Variants in ARHGAP44 observed in about 807,000 individuals in gnomAD.
ARHGAP44 encodes the protein Rho GTPase activating protein 44.
ARHGAP44 carries 43 observed loss-of-function variants against 106.8 expected under a neutral mutation model. The ratio of observed to expected loss-of-function variants is 0.40; its 90% confidence interval spans 0.32 to 0.52. The LOEUF is 0.52. Ranked by LOEUF, ARHGAP44 falls within the 20% of genes least tolerant of loss-of-function variation. The probability of loss-of-function intolerance (pLI) is 0.48; values close to 1 mark genes in which losing one functional copy is unlikely to be tolerated. For missense variants in ARHGAP44, 866 were observed against 1,050.5 expected, an observed-to-expected ratio of 0.82 and a Z score of 2.43; for synonymous variants, 439 against 410.3, an observed-to-expected ratio of 1.07 and a Z score of -0.85.
At chr17:12,803,133 C>A (rs972353077) in intron 1 of ARHGAP44, among the ~76,000 whole-genome samples, 2 of 150,738 alleles carry the variant, frequency 1.3e-5, no homozygotes, top group East Asian at 3.9e-4. Flanking sequence ...CCACCAGGCG[C>A]CTGTATTTTT....
intron 7 of ARHGAP44, among the ~76,000 whole-genome samples, chr17:12,937,041 G>T (rs1464255405): frequency 2.0e-5 from 3 of 152,224 alleles, no homozygotes. Context: ...CATTCATAGT[G>T]CTATGATCGG....
intron 1 of ARHGAP44, among the ~76,000 whole-genome samples, chr17:12,799,507 C>T (rs2034022699): frequency 6.6e-6 from 1 of 152,158 alleles, no homozygotes; most frequent in Non-Finnish European, 1.5e-5. Context: ...ATGCCTGGGC[C>T]TGGAATTCAC....
At chr17:12,984,471 C>T (rs1235045117) in intron 19 of ARHGAP44, 60 bp from the exon 20 acceptor site, 35 of 1,495,946 alleles carry the variant, frequency 2.3e-5, no homozygotes, top group Non-Finnish European at 2.9e-5. Context: ...GAACAGGCCC[C>T]ACAAGTGGCT....
chr17:12,830,133 C>G (rs1417750316), intron 1 of ARHGAP44, among the ~76,000 whole-genome samples: 1 of 152,080 alleles, frequency 6.6e-6, no homozygotes, highest in Non-Finnish European at 1.5e-5. Flanking sequence ...GGGATTGAAG[C>G]CTTTTTAGTA....
chr17:12,847,121 G>A (rs1251661555), intron 1 of ARHGAP44, among the ~76,000 whole-genome samples: 4 of 152,070 alleles, frequency 2.6e-5, no homozygotes, highest in Admixed American at 6.6e-5. Context: ...AATTTGATAG[G>A]TTAAGTTCTT....
intron 13 of ARHGAP44, among the ~76,000 whole-genome samples, chr17:12,953,144 C>T (rs2039039364): frequency 6.6e-6 from 1 of 152,144 alleles, no homozygotes; most frequent in South Asian, 2.1e-4. Flanking sequence ...TGTCCTTGAG[C>T]AAGTTCACAG....
In ARHGAP44 at chr17:12,847,512, CT is replaced by C. The variant is rs58514182; in HGVS notation, c.54-47409del. 3.8e-3 allele frequency among the ~76,000 whole-genome samples: 475 copies of C among 125,460 alleles called. 2 individuals carry two copies. Among genetic ancestry groups the C allele is most frequent in the South Asian group, 9.3e-3 (37 of 3,998 alleles). 82.3% of individuals were successfully genotyped at this position (125,460 alleles called of 152,430 possible). A position where few individuals can be genotyped will look rare whatever the true frequency, so the allele number is the denominator to read the frequency against. ...CACCTTCCTTCAAGCTACCATCACTCTTTTTTTTTTTTTTTTTTTGAGACGG... is the reference window on the plus strand; with the variant it reads ...CACCTTCCTTCAAGCTACCATCACTCTTTTTTTTTTTTTTTTTTGAGACGG... On this transcript the variant is annotated intron_variant, in intron 1 of 20. Transcript: ENST00000379672.
At chr17:12,831,624 C>T (rs962248554) in intron 1 of ARHGAP44, among the ~76,000 whole-genome samples, 12 of 152,152 alleles carry the variant, frequency 7.9e-5, no homozygotes, top group African/African-American at 2.7e-4. Flanking sequence ...ACCCTCCCAT[C>T]GAGGCCCTGT....
intron 8 of ARHGAP44, 129 bp downstream of exon 8, chr17:12,941,253 G>A: frequency 1.3e-6 from 1 of 751,064 alleles, no homozygotes; most frequent in Non-Finnish European, 2.2e-6. Context: ...TTTTACTAGT[G>A]AAATAAATCC....
At chr17:12,857,539 A>C (rs1468294522) in intron 1 of ARHGAP44, among the ~76,000 whole-genome samples, 1 of 152,112 alleles carries the variant, frequency 6.6e-6, no homozygotes, top group African/African-American at 2.4e-5. Flanking sequence ...ATTATCTCCC[A>C]AAGGCCCCAC....
intron 1 of ARHGAP44, among the ~76,000 whole-genome samples, chr17:12,807,126 C>G (rs1012548599): frequency 6.6e-6 from 1 of 152,128 alleles, no homozygotes; most frequent in Non-Finnish European, 1.5e-5. Flanking sequence ...GTCGTCTCAG[C>G]CTAATGGCCT....
chr17:12,899,501 C>T (rs1319135876), intron 3 of ARHGAP44, among the ~76,000 whole-genome samples: 1 of 151,724 alleles, frequency 6.6e-6, no homozygotes, highest in Non-Finnish European at 1.5e-5. Context: ...ACCTCAAATA[C>T]TGAAATGTAT....
At chr17:12,922,116 C>T (rs1441321194) in intron 6 of ARHGAP44, among the ~76,000 whole-genome samples, 1 of 152,088 alleles carries the variant, frequency 6.6e-6, no homozygotes, top group Non-Finnish European at 1.5e-5. Flanking sequence ...AAAGCAGTAT[C>T]CTTTGCTACA....
chr17:12,935,712 A>G (rs890886125), intron 7 of ARHGAP44, among the ~76,000 whole-genome samples: 2 of 152,174 alleles, frequency 1.3e-5, no homozygotes, highest in Non-Finnish European at 1.5e-5. Context: ...CAGGTATGGA[A>G]TCGATTTTAG....
intron 1 of ARHGAP44, among the ~76,000 whole-genome samples, chr17:12,804,916 C>G (rs776192131): frequency 3.3e-5 from 5 of 152,162 alleles, no homozygotes; most frequent in Non-Finnish European, 7.3e-5. Context: ...ATTCAGACAT[C>G]CCCCCTTCCT....
In ARHGAP44 at chr17:12,891,147, C is replaced by G. The variant is rs192826616; in HGVS notation, c.54-3793C>G. On this transcript the variant is annotated intron_variant, in intron 1 of 20. Transcript: ENST00000379672. ...TCTTCTGAGCCCTCACCAGAATCAC[C>G]TTTAACTCTTTGTTCACAGCAATGC... Among the ~76,000 whole-genome samples the G allele has an allele frequency of 5.9e-5, 9 of 152,292 alleles. No individual in the cohort carries two copies. In the East Asian group the frequency reaches 1.5e-3, roughly 26 times the overall value.
intron 7 of ARHGAP44, among the ~76,000 whole-genome samples, chr17:12,935,569 C>CAAA (rs11364751): frequency 7.9e-6 from 1 of 125,862 alleles, no homozygotes; most frequent in Non-Finnish European, 1.7e-5. Context: ...GACTCCATCT[C>CAAA]AAAAAAAAAA....
At chr17:12,895,677 T>C (rs2150920134) in intron 2 of ARHGAP44, among the ~76,000 whole-genome samples, 1 of 152,324 alleles carries the variant, frequency 6.6e-6, no homozygotes, top group South Asian at 2.1e-4. Flanking sequence ...AGTTCAACCA[T>C]TGTGGAAGAC....
In ARHGAP44 at chr17:12,974,101, G is replaced by T. The variant is rs978671794; in HGVS notation, c.1554G>T (p.Arg518Ser). The T allele has an allele frequency of 1.3e-6, 2 of 1,568,628 alleles. No homozygotes were observed. Among genetic ancestry groups the T allele is most frequent in the African/African-American group, 2.7e-5 (2 of 73,960 alleles). ...GLRKIQSMGV[R>S]VMDTNWVARR... ...TGTCCCTCGCCAGCATGGGTGTGAG[G>T]GTCATGGACACAAACTGGGTGGCTC... Residue 518 changes from arginine to serine, a missense_variant, in exon 18 of 21, where the codon AGG (arginine) becomes AGT (serine). Physicochemically the swap from Arg to Ser is moderately radical, Grantham distance 110. Around this residue, in one of 2 missense-constraint regions of ARHGAP44, gnomAD observed 448 missense variants for 646.9 expected, o/e 0.69. Coordinates refer to ENST00000379672, the MANE Select transcript of ARHGAP44 (RefSeq NM_014859.6).
Sources: gnomAD v4.1 joint callset for allele counts (sites outside exome capture counted in the v4.1 genomes callset) on GRCh38, gnomAD v4.1.1 for gene constraint, gnomAD v4.1.1 regional missense constraint, MANE v1.5 for transcripts, NCBI Gene and HGNC (gene_info 2026-07-23, HGNC 2026-07-21) for gene names.